The following CNTNAP2 variants were observed in gnomAD, a reference collection of about 807,000 sequenced individuals.
CNTNAP2 encodes contactin associated protein 2, also known as contactin-associated protein-like 2.
CNTNAP2 carries 98 observed loss-of-function variants against 155.2 expected under a neutral mutation model. The ratio of observed to expected loss-of-function variants is 0.63; its 90% CI spans 0.54 to 0.75. The LOEUF (loss-of-function observed/expected upper bound fraction) is 0.75. CNTNAP2 is among the 30% of genes least tolerant of loss of function. The pLI, the probability that CNTNAP2 is intolerant of heterozygous loss-of-function variation, is 0.00. For missense variants in CNTNAP2, 1,727 were observed against 1,688.1 expected (o/e 1.02, Z -0.40); for synonymous variants, 651 against 631.2 (o/e 1.03, Z -0.47).
chr7:147,319,488 C>T (rs1293328601), intron 9 of CNTNAP2, among the ~76,000 whole-genome samples: 1 of 152,140 alleles, frequency 6.6e-6, no homozygotes, highest in Non-Finnish European at 1.5e-5. Context: ...AGTGATCCTC[C>T]CACCTCAGCC....
chr7:146,361,808 G>T (rs988922102), intron 1 of CNTNAP2, among the ~76,000 whole-genome samples: 1 of 152,150 alleles, frequency 6.6e-6, no homozygotes, highest in African/African-American at 2.4e-5. Flanking sequence ...AGCTCAAAAA[G>T]ACAGTAAATA....
chr7:148,299,156 A>C (rs1006187375), intron 21 of CNTNAP2, among the ~76,000 whole-genome samples: 23 of 151,826 alleles, frequency 1.5e-4, no homozygotes, highest in African/African-American at 5.6e-4. Flanking sequence ...ACGCCTGGCT[A>C]ATGTTTTGTA....
intron 1 of CNTNAP2, among the ~76,000 whole-genome samples, chr7:146,537,425 G>A (rs920266129): frequency 3.3e-5 from 5 of 151,904 alleles, no homozygotes; most frequent in Non-Finnish European, 7.4e-5. Context: ...TACTAAGTTT[G>A]TATCAATGTT....
intron 1 of CNTNAP2, among the ~76,000 whole-genome samples, chr7:146,155,643 A>G (rs1218451799): frequency 1.3e-5 from 2 of 151,310 alleles, no homozygotes; most frequent in African/African-American, 2.4e-5. Context: ...TATAGTAATT[A>G]CATAAGTAAA....
In CNTNAP2 at chr7:146,312,951, T is replaced by C. The variant is rs145515397; in HGVS notation, c.97+195978T>C. The stretch of plus-strand genomic sequence containing the variant: ...ATATATACTGCATTTTCTGTATGCA[T>C]TCATCTGTTCCTGGATACTTATATT... On this transcript the variant is annotated intron_variant, in intron 1 of 23. Coordinates refer to ENST00000361727, the MANE Select transcript of CNTNAP2 (RefSeq NM_014141.6). 1.6e-4 allele frequency among the ~76,000 whole-genome samples: 24 copies of C among 152,342 alleles called. No homozygotes were observed. The East Asian group carries it at 4.4e-3, about 28-fold the overall frequency.
At chr7:147,859,530 T>A (rs1437572690) in intron 13 of CNTNAP2, among the ~76,000 whole-genome samples, 1 of 122,112 alleles carries the variant, frequency 8.2e-6, no homozygotes, top group African/African-American at 2.9e-5. Context: ...AGGAGCTATT[T>A]GAAAACCAGA....
At chr7:147,511,417 T>C (rs1799018664) in intron 11 of CNTNAP2, among the ~76,000 whole-genome samples, 1 of 151,628 alleles carries the variant, frequency 6.6e-6, no homozygotes. Context: ...CTCAAGCCGA[T>C]TTTCTTTTTT....
At chr7:148,309,447 C>A (rs1797552891) in intron 21 of CNTNAP2, among the ~76,000 whole-genome samples, 2 of 152,182 alleles carry the variant, frequency 1.3e-5, no homozygotes, top group Non-Finnish European at 2.9e-5. Context: ...GACCACCAAA[C>A]AGGCTTTGTG....
At chr7:147,269,885 C>T (rs1018941847) in intron 8 of CNTNAP2, among the ~76,000 whole-genome samples, 2 of 151,992 alleles carry the variant, frequency 1.3e-5, no homozygotes, top group Non-Finnish European at 2.9e-5. Context: ...AGACCACTGT[C>T]TCTAAAAAAT....
chr7:147,783,189 A>C (rs1005591678), intron 13 of CNTNAP2, among the ~76,000 whole-genome samples: 1 of 152,324 alleles, frequency 6.6e-6, no homozygotes, highest in African/African-American at 2.4e-5. Context: ...TCAATATTGT[A>C]TGTTTTAGGT....
At chr7:146,933,321 A>T (rs1563008792) in intron 3 of CNTNAP2, among the ~76,000 whole-genome samples, 1 of 152,092 alleles carries the variant, frequency 6.6e-6, no homozygotes, top group Non-Finnish European at 1.5e-5. Context: ...AAACCGGAGA[A>T]AAACAGGCAA....
chr7:147,553,516 A>G (rs965215282), intron 11 of CNTNAP2, among the ~76,000 whole-genome samples: 1 of 152,164 alleles, frequency 6.6e-6, no homozygotes, highest in Non-Finnish European at 1.5e-5. Flanking sequence ...ACTTTGTTTT[A>G]TAATCTTTTA....
At chr7:148,139,475 C>T (rs1019354058) in intron 16 of CNTNAP2, among the ~76,000 whole-genome samples, 9 of 152,096 alleles carry the variant, frequency 5.9e-5, no homozygotes, top group Non-Finnish European at 8.8e-5. Context: ...GCTCAGGGGT[C>T]GAAGTCTATT....
intron 23 of CNTNAP2, among the ~76,000 whole-genome samples, 183 bp downstream of exon 23, chr7:148,409,654 CCT>C (rs760045735): frequency 3.3e-5 from 5 of 151,766 alleles, no homozygotes; most frequent in Non-Finnish European, 7.4e-5. Context: ...CAGTGGCTCA[CCT>C]CTGTTATCCT....
At chr7:146,974,638 A>G (rs1797871184) in intron 3 of CNTNAP2, among the ~76,000 whole-genome samples, 2 of 152,198 alleles carry the variant, frequency 1.3e-5, no homozygotes, top group South Asian at 4.1e-4. Flanking sequence ...GAGTCTTCAC[A>G]TTTAGTAAAA....
chr7:146,668,588 CATA>C (rs1032927017), intron 1 of CNTNAP2, among the ~76,000 whole-genome samples: 1 of 152,048 alleles, frequency 6.6e-6, no homozygotes, highest in African/African-American at 2.4e-5. Context: ...AATTCTCCTT[CATA>C]GATTGAATAG....
At chr7:147,324,741 A>G (rs2620466) in intron 9 of CNTNAP2, among the ~76,000 whole-genome samples, 74,600 of 151,630 alleles carry the variant, frequency 0.49, 19,496 homozygotes, top group East Asian at 0.73. Context: ...AATATCTTTT[A>G]AACTACTTGT....
At chr7:147,253,323 T>A (rs1804244392) in intron 8 of CNTNAP2, among the ~76,000 whole-genome samples, 1 of 150,732 alleles carries the variant, frequency 6.6e-6, no homozygotes, top group South Asian at 2.1e-4. Flanking sequence ...CCTAGCCACG[T>A]AGAAGCATCA....
intron 9 of CNTNAP2, among the ~76,000 whole-genome samples, chr7:147,361,745 T>TA (rs1463839939): frequency 1.3e-5 from 2 of 152,172 alleles, no homozygotes; most frequent in Admixed American, 1.3e-4. Flanking sequence ...TTGAGTAAGA[T>TA]AAACTTACTC....
Sources: gnomAD v4.1 joint callset for allele counts (sites outside exome capture counted in the v4.1 genomes callset) on GRCh38, gnomAD v4.1.1 for gene constraint, MANE v1.5 for transcripts, NCBI Gene and HGNC (gene_info 2026-07-23, HGNC 2026-07-21) for gene names.